VPS13D: variants seen among roughly 807,000 people sequenced by gnomAD.
The protein encoded by VPS13D is intermembrane lipid transfer protein VPS13D.
A neutral mutation model predicts 461.9 loss-of-function variants in VPS13D; 187 were observed. The ratio of observed to expected loss-of-function variants is 0.40; its 90% CI spans 0.36 to 0.46. VPS13D has a LOEUF of 0.46. Among genes scored for constraint, VPS13D ranks in the 20% least tolerant of loss-of-function variants. The pLI, the probability that VPS13D is intolerant of heterozygous loss-of-function variation, is 0.60. For synonymous variants in VPS13D, 1,951 were observed against 1,986.3 expected (o/e 0.98, Z 0.47); for missense variants, 4,711 against 5,364.9 (o/e 0.88, Z 3.81).
rs1405442170 is a variant in VPS13D, at chr1:12,510,050, C to T, written c.*1026C>T. On this transcript the variant is annotated 3_prime_UTR_variant, in exon 70 of 70. Coordinates refer to ENST00000620676, the MANE Select transcript of VPS13D (RefSeq NM_015378.4). ...ATCGTAGCTCCACAGCCCGAGGGGA[C>T]ACAGGATGGAAACCCCAGGATGAGA... 1 of 152,204 alleles carries T rather than the reference C, an allele frequency of 6.6e-6. No individual in the cohort carries two copies. Among genetic ancestry groups the T allele is most frequent in the African/African-American group, 2.4e-5 (1 of 41,430 alleles). The allele number at this position is 152,204 out of a possible 1,614,324, so 9.4% of individuals were successfully genotyped here.
At chr1:12,412,806 C>A (rs1295012265) in intron 63 of VPS13D, among the ~76,000 whole-genome samples, 1 of 152,040 alleles carries the variant, frequency 6.6e-6, no homozygotes, top group African/African-American at 2.4e-5. Context: ...AGGCAGATTT[C>A]CTTAAAATTA....
chr1:12,465,551 T>A (rs1645471222), intron 67 of VPS13D, among the ~76,000 whole-genome samples: 1 of 152,188 alleles, frequency 6.6e-6, no homozygotes, highest in Non-Finnish European at 1.5e-5. Context: ...TAAATTCCAT[T>A]TGCTCTGAGA....
At chr1:12,408,155 G>C (rs1236348898) in intron 63 of VPS13D, among the ~76,000 whole-genome samples, 1 of 152,168 alleles carries the variant, frequency 6.6e-6, no homozygotes, top group Non-Finnish European at 1.5e-5. Context: ...ATGAATAGCA[G>C]AACATTTTTC....
chr1:12,283,392 C>T lies in VPS13D; in HGVS notation c.5290C>T (p.Pro1764Ser). 6.2e-7 allele frequency: 1 copy of T among 1,614,184 alleles called. No homozygotes were observed. The highest frequency in any genetic ancestry group is 1.1e-5 in the South Asian group (1 of 91,074). ...QDKDYPLTPP[P>S]SPTVDEPKIL... is the part of the protein sequence containing the mutation. ...CAAGGACTATCCCTTGACCCCACCT[C>T]CTTCTCCAACAGTGGATGAGCCCAA... Residue 1764 changes from proline (P) to serine (S), a missense_variant, in exon 21 of 70, where the codon CCT becomes TCT. Pro to Ser is a moderately conservative substitution (Grantham distance 74). Transcript: ENST00000620676.
intron 65 of VPS13D, among the ~76,000 whole-genome samples, chr1:12,428,583 T>C (rs1410068368): frequency 6.6e-6 from 1 of 152,158 alleles, no homozygotes; most frequent in African/African-American, 2.4e-5. Flanking sequence ...CAGTCTTGCC[T>C]CTGATTGGGG....
intron 65 of VPS13D, among the ~76,000 whole-genome samples, chr1:12,443,803 T>A (rs1007083564): frequency 2.0e-5 from 3 of 152,092 alleles, no homozygotes; most frequent in Non-Finnish European, 4.4e-5. Flanking sequence ...CTAAAGAACT[T>A]CCTTTTGTGG....
intron 67 of VPS13D, among the ~76,000 whole-genome samples, chr1:12,464,095 G>C (rs571608993): frequency 4.6e-5 from 7 of 152,170 alleles, no homozygotes; most frequent in Non-Finnish European, 1.0e-4. Context: ...GAACATACTG[G>C]CTCTAACACT....
rs758174739 is a variant in VPS13D, at chr1:12,244,544, G to A, written c.374G>A (p.Arg125His). ...QALEEKWKND[R>H]QQKGESYWYS... Reference sequence around the variant, plus strand: ...TGACTCTTGTCTTTGTAGAATGACCGCCAGCAGAAAGGGGAGTCCTATTGG... The same window carrying A: ...TGACTCTTGTCTTTGTAGAATGACCACCAGCAGAAAGGGGAGTCCTATTGG... Residue 125 changes from arginine (R) to histidine (H), a missense_variant, in exon 5 of 70, where the codon CGC (arginine) becomes CAC (histidine). By Grantham distance (29) the Arg-to-His change is conservative. Transcript: ENST00000620676. 18 of 1,614,214 alleles carry A rather than the reference G, an allele frequency of 1.1e-5. No homozygotes were observed. The South Asian group carries it at 1.3e-4, about 12-fold the overall frequency.
At chr1:12,430,445 C>T (rs1644977421) in intron 65 of VPS13D, among the ~76,000 whole-genome samples, 3 of 152,212 alleles carry the variant, frequency 2.0e-5, no homozygotes, top group Non-Finnish European at 4.4e-5. Flanking sequence ...ACTCTTTCCT[C>T]CTTCAGGAAT....
At chr1:12,397,017 T>A (rs555452630) in intron 60 of VPS13D, among the ~76,000 whole-genome samples, 1 of 152,230 alleles carries the variant, frequency 6.6e-6, no homozygotes, top group South Asian at 2.1e-4. Flanking sequence ...TACTGCAACC[T>A]CCGCCTCCCA....
Position 12,269,004 on chromosome 1 carries a change from A to G in VPS13D, c.1972+128A>G, listed in dbSNP as rs17037942. 801 of 1,058,168 alleles carry G rather than the reference A, an allele frequency of 7.6e-4. 7 individuals carry two copies. In the African/African-American group the frequency reaches 0.011, roughly 15 times the overall value. The allele number at this position is 1,058,168 out of a possible 1,614,324, so 65.5% of individuals were successfully genotyped here. A position where few individuals can be genotyped will look rare whatever the true frequency, so the allele number is the denominator to read the frequency against. On this transcript the variant is annotated intron_variant, in intron 16 of 69. Transcript: ENST00000620676. ...CAAAAAAGGCCTGCAGAGTAAGTCA[A>G]TAGGGTTGCCCTGTCCTGTTACTAA...
chr1:12,355,031 G>A (rs1175011622), intron 47 of VPS13D, among the ~76,000 whole-genome samples: 1 of 152,194 alleles, frequency 6.6e-6, no homozygotes, highest in South Asian at 2.1e-4. Flanking sequence ...AGGCCAAAAA[G>A]GAAGTGACGT....
At chr1:12,471,877 A>AT (rs1294662104) in intron 67 of VPS13D, among the ~76,000 whole-genome samples, 1 of 151,700 alleles carries the variant, frequency 6.6e-6, no homozygotes, top group African/African-American at 2.4e-5. Flanking sequence ...TAGTTTCCAC[A>AT]TTTTTTTAAC....
chr1:12,311,691 A>G (rs559287633), intron 28 of VPS13D, 66 bp downstream of exon 28: 24 of 1,595,854 alleles, frequency 1.5e-5, no homozygotes, highest in African/African-American at 6.7e-5. Context: ...CTGTGTATCT[A>G]TTCCTCAAAC....
At chr1:12,357,816 C>T (rs948732306) in intron 49 of VPS13D, among the ~76,000 whole-genome samples, 3 of 152,084 alleles carry the variant, frequency 2.0e-5, no homozygotes, top group African/African-American at 7.2e-5. Context: ...CCAGCCTGGC[C>T]AACGTGGTGA....
Position 12,431,111 on chromosome 1 carries a change from GAGA to G in VPS13D, c.12333+14287_12333+14289del, listed in dbSNP as rs577490921. ...CTTATGTTAAAAAATTGAATTTGGT[GAGA>G]AGCCTAGTTTTAATAATATTTCATA... On this transcript the variant is annotated intron_variant, in intron 65 of 69. Transcript: ENST00000620676. Among the ~76,000 whole-genome samples the G allele has an allele frequency of 1.9e-3, 293 of 152,308 alleles. 2 individuals carry two copies. Among genetic ancestry groups the G allele is most frequent in the African/African-American group, 6.5e-3 (272 of 41,568 alleles).
chr1:12,286,775 G>T (rs909258956), intron 21 of VPS13D, among the ~76,000 whole-genome samples: 3 of 152,192 alleles, frequency 2.0e-5, no homozygotes, highest in African/African-American at 7.2e-5. Context: ...TGGTGGTGGT[G>T]GTGGTTGGAT....
chr1:12,310,349 A>C lies in VPS13D; in HGVS notation c.6651-1105A>C, dbSNP rs185022614. Among the ~76,000 whole-genome samples, 94 of 152,296 alleles carry C rather than the reference A, an allele frequency of 6.2e-4. 1 individual carries two copies. The highest frequency in any genetic ancestry group is 2.0e-3 in the African/African-American group (84 of 41,560). ...TCGGCTTTTCTCTGCAGACAAAATA[A>C]CTTTTCTTATATACCTCTGCCATTT... On this transcript the variant is annotated intron_variant, in intron 27 of 69. Coordinates refer to ENST00000620676, the MANE Select transcript of VPS13D (RefSeq NM_015378.4).
chr1:12,374,657 A>G (rs72868231), intron 55 of VPS13D, among the ~76,000 whole-genome samples: 2,219 of 152,300 alleles, frequency 0.015, 40 homozygotes, highest in African/African-American at 0.05. Context: ...ATGCATATGT[A>G]TATGTGTCAT....
Sources: gnomAD v4.1 joint callset for allele counts (sites outside exome capture counted in the v4.1 genomes callset) on GRCh38, gnomAD v4.1.1 for gene constraint, MANE v1.5 for transcripts, NCBI Gene and HGNC (gene_info 2026-07-23, HGNC 2026-07-21) for gene names.